CDH18: variants seen among roughly 807,000 people sequenced by gnomAD.
CDH18 encodes the protein cadherin 18, also known as cadherin-18.
A neutral mutation model predicts 67.9 loss-of-function variants in CDH18; 31 were observed. The observed-to-expected ratio is 0.46, with a 90% CI of 0.34 to 0.62. CDH18 has a LOEUF of 0.62. CDH18 is among the 20% of genes least tolerant of loss of function. The probability of loss-of-function intolerance (pLI) is 0.01; values close to 1 mark genes in which losing one functional copy is unlikely to be tolerated. For missense variants in CDH18, 890 were observed against 975.5 expected (o/e 0.91, Z 1.17); for synonymous variants, 362 against 347.2 (o/e 1.04, Z -0.48).
chr5:20,507,518 A>G (rs115849833), intron 1 of CDH18, among the ~76,000 whole-genome samples: 283 of 152,318 alleles, frequency 1.9e-3, no homozygotes, highest in African/African-American at 6.2e-3. Flanking sequence ...GAACACATTT[A>G]GGTTTGGAGA....
At chr5:20,016,979 C>G (rs539159688) in intron 2 of CDH18, among the ~76,000 whole-genome samples, 1 of 152,108 alleles carries the variant, frequency 6.6e-6, no homozygotes, top group South Asian at 2.1e-4. Flanking sequence ...GGTTCATTGT[C>G]GTTTTCTTCT....
At chr5:20,442,826 T>G (rs1749703939) in intron 1 of CDH18, among the ~76,000 whole-genome samples, 1 of 151,854 alleles carries the variant, frequency 6.6e-6, no homozygotes, top group Non-Finnish European at 1.5e-5. Flanking sequence ...ATGAACAAGC[T>G]GATTAATTGT....
chr5:19,585,452 G>C (rs2683647), intron 7 of CDH18, among the ~76,000 whole-genome samples: 1 of 152,114 alleles, frequency 6.6e-6, no homozygotes, highest in African/African-American at 2.4e-5. Context: ...CTTACCCGCA[G>C]TCATTTGCTT....
chr5:20,279,383 G>T (rs998109368), intron 1 of CDH18, among the ~76,000 whole-genome samples: 14 of 151,890 alleles, frequency 9.2e-5, no homozygotes, highest in Admixed American at 7.2e-4. Flanking sequence ...CCCCACACTG[G>T]AGTACACAGA....
intron 2 of CDH18, among the ~76,000 whole-genome samples, chr5:19,937,514 T>G (rs147636450): frequency 6.6e-6 from 1 of 151,598 alleles, no homozygotes. Flanking sequence ...TTTCAATTAG[T>G]TTTGATTGCA....
At chr5:19,578,709 C>T (rs1212350578) in intron 7 of CDH18, among the ~76,000 whole-genome samples, 1 of 151,856 alleles carries the variant, frequency 6.6e-6, no homozygotes, top group East Asian at 1.9e-4. Context: ...TACAAGTATA[C>T]TTTCAGAAGC....
At position 20,286,804 on chromosome 5, in the gene CDH18, G is replaced by A. The variant is rs183591001; in HGVS notation, c.-579-31299C>T. Among the ~76,000 whole-genome samples, 85 of 151,712 alleles carry A rather than the reference G, an allele frequency of 5.6e-4. 1 individual carries two copies. In the Middle Eastern group the frequency reaches 0.021, roughly 37 times the overall value. On this transcript the variant is annotated intron_variant, in intron 1 of 14. Transcript: ENST00000507958. Reference sequence around the variant, plus strand: ...GATCCAGCTCATTGAAACTGTTAAGGGGATACTGTGTACTCCCTGAACAGA... The same window carrying A: ...GATCCAGCTCATTGAAACTGTTAAGAGGATACTGTGTACTCCCTGAACAGA...
At chr5:20,314,321 A>G (rs947568695) in intron 1 of CDH18, among the ~76,000 whole-genome samples, 5 of 152,050 alleles carry the variant, frequency 3.3e-5, no homozygotes, top group Non-Finnish European at 5.9e-5. Flanking sequence ...AATAACCAAG[A>G]TATTCTACAT....
chr5:20,405,752 C>A (rs1336710809), intron 1 of CDH18, among the ~76,000 whole-genome samples: 2 of 151,410 alleles, frequency 1.3e-5, no homozygotes, highest in African/African-American at 2.4e-5. Flanking sequence ...AAAATAAAAC[C>A]CCATCAAAAA....
chr5:20,313,052 G>A (rs1030676247), intron 1 of CDH18, among the ~76,000 whole-genome samples: 29 of 152,070 alleles, frequency 1.9e-4, no homozygotes, highest in African/African-American at 7.0e-4. Flanking sequence ...AGTTACACAT[G>A]CAATGGATAC....
intron 2 of CDH18, among the ~76,000 whole-genome samples, chr5:20,126,661 T>TAGACATTTCTCTAAAGAAA (rs1748856778): frequency 6.6e-6 from 1 of 152,170 alleles, no homozygotes; most frequent in African/African-American, 2.4e-5. Flanking sequence ...AGGACTCAAA[T>TAGACATTTCTCTAAAGAAA]AGACATTTCT....
At chr5:19,572,051 A>C (rs758329282) in intron 7 of CDH18, among the ~76,000 whole-genome samples, 1 of 152,324 alleles carries the variant, frequency 6.6e-6, no homozygotes, top group Non-Finnish European at 1.5e-5. Context: ...TAGTGCAATA[A>C]TATGTATTTG....
intron 2 of CDH18, among the ~76,000 whole-genome samples, chr5:20,253,185 A>T (rs1048865958): frequency 3.3e-5 from 5 of 152,154 alleles, no homozygotes; most frequent in Non-Finnish European, 5.9e-5. Flanking sequence ...GAAACTACGC[A>T]CAAGAATTCA....
chr5:19,762,192 C>T (rs983542779), intron 3 of CDH18, among the ~76,000 whole-genome samples: 2 of 152,150 alleles, frequency 1.3e-5, no homozygotes, highest in African/African-American at 4.8e-5. Context: ...GCAGGGACTT[C>T]ATGTCTAAAA....
At chr5:20,041,535 CCCGTGGA>C (rs1351753752) in intron 2 of CDH18, among the ~76,000 whole-genome samples, 1 of 152,128 alleles carries the variant, frequency 6.6e-6, no homozygotes, top group Non-Finnish European at 1.5e-5. Context: ...TCCTTCTCCT[CCCGTGGA>C]AACAAATATG....
intron 2 of CDH18, among the ~76,000 whole-genome samples, chr5:20,094,256 A>C (rs1409547879): frequency 6.6e-6 from 1 of 152,166 alleles, no homozygotes; most frequent in Non-Finnish European, 1.5e-5. Context: ...TACTCACTAG[A>C]AAAAGGCAGT....
At chr5:19,926,552 T>C (rs905559172) in intron 2 of CDH18, among the ~76,000 whole-genome samples, 1 of 152,164 alleles carries the variant, frequency 6.6e-6, no homozygotes, top group African/African-American at 2.4e-5. Flanking sequence ...GCTAACATTT[T>C]GATTTGTAAA....
intron 1 of CDH18, among the ~76,000 whole-genome samples, chr5:20,473,203 A>T (rs918540624): frequency 2.0e-5 from 3 of 152,190 alleles, no homozygotes; most frequent in Non-Finnish European, 4.4e-5. Context: ...AATACAACTT[A>T]ATGAAGATAT....
At chr5:19,766,899 C>G (rs1055464557) in intron 3 of CDH18, among the ~76,000 whole-genome samples, 2 of 152,144 alleles carry the variant, frequency 1.3e-5, no homozygotes, top group Admixed American at 1.3e-4. Context: ...CCCTATTATA[C>G]TATCTTTTCT....
Sources: allele counts gnomAD v4.1 joint callset (sites outside exome capture counted in the v4.1 genomes callset), GRCh38; gene constraint gnomAD v4.1.1; transcripts MANE v1.5; gene names NCBI Gene and HGNC (gene_info 2026-07-23, HGNC 2026-07-21).